Variants in EIF3A observed in about 807,000 individuals in gnomAD.
The protein encoded by EIF3A is EIF3, p180 subunit.
In EIF3A, 21 loss-of-function variants were observed where a neutral mutation model predicts 186.6. The ratio of observed to expected loss-of-function variants is 0.11; its 90% CI spans 0.08 to 0.16. The LOEUF (loss-of-function observed/expected upper bound fraction) is 0.16, where lower values mean the gene tolerates loss of function less well. Among genes scored for constraint, EIF3A ranks in the 10% least tolerant of loss-of-function variants. The pLI is 1.00. For synonymous variants in EIF3A, 563 were observed against 584.3 expected (o/e 0.96, Z 0.52); for missense variants, 1,306 against 1,796.3 (o/e 0.73, Z 4.93).
Position 119,044,062 on chromosome 10 carries a change from C to A in EIF3A, c.2739G>T (p.Pro913=), listed in dbSNP as rs144646420. The change falls in exon 18 of 22, where the codon CCG becomes CCT. Residue 913 remains proline (P), a synonymous_variant. Coordinates refer to ENST00000369144, the MANE Select transcript of EIF3A (RefSeq NM_003750.4). ...PEADSEWRRG[P]PEKEWRRGEG... ...TCCTCAACTCTACTTACTTCTCTGG[C>A]GGGCCTCTTCTCCACTCAGAATCTG... 11 of 1,611,724 alleles carry A rather than the reference C, an allele frequency of 6.8e-6. No individual in the cohort carries two copies. In the South Asian group the frequency reaches 1.1e-4, roughly 16 times the overall value.
At chr10:119,037,706 G>A (rs1447952391) in intron 20 of EIF3A, among the ~76,000 whole-genome samples, 2 of 151,998 alleles carry the variant, frequency 1.3e-5, no homozygotes, top group South Asian at 4.1e-4. Flanking sequence ...CTTTGGCAGC[G>A]GGAACAAGCT....
At position 119,035,804 on chromosome 10, in the gene EIF3A, T is replaced by A. The variant is rs1011034327; in HGVS notation, c.*235A>T. ...TTTTTCTTTTTTGTCAACAAATGAT[T>A]GATGAAATAATGCAACACCCTTAAA... On this transcript the variant is annotated 3_prime_UTR_variant, in exon 22 of 22. Transcript: ENST00000369144. The A allele has an allele frequency of 1.6e-5, 7 of 431,872 alleles. No individual in the cohort carries two copies. Among genetic ancestry groups the A allele is most frequent in the Non-Finnish European group, 2.0e-5 (5 of 244,360 alleles). The allele number at this position is 431,872 out of a possible 1,614,324, so 26.8% of individuals were successfully genotyped here. A position where few individuals can be genotyped will look rare whatever the true frequency, so the allele number is the denominator to read the frequency against.
At chr10:119,037,084 T>G in intron 21 of EIF3A, 35 bp downstream of exon 21, 60 of 546,270 alleles carry the variant, frequency 1.1e-4, no homozygotes, top group Non-Finnish European at 1.6e-4. Flanking sequence ...GAAACGACAG[T>G]TCTCCAATAC....
intron 7 of EIF3A, among the ~76,000 whole-genome samples, chr10:119,062,700 G>A (rs1843908371): frequency 6.7e-6 from 1 of 149,794 alleles, no homozygotes; most frequent in Admixed American, 6.7e-5. Flanking sequence ...TCGCTTCTGG[G>A]ACAACATATT....
rs1311348617 is a variant in EIF3A, at chr10:119,061,234, C to T, written c.1217G>A (p.Arg406Gln). 6 of 1,554,486 alleles carry T rather than the reference C, an allele frequency of 3.9e-6. No individual in the cohort carries two copies. The highest frequency in any genetic ancestry group is 4.5e-5 in the East Asian group (2 of 43,966). Residue 406 changes from arginine to glutamine, a missense_variant, in exon 8 of 22, where the codon CGA becomes CAA. Arg to Gln is a conservative substitution (Grantham distance 43). Transcript: ENST00000369144. ...VEFNPLKLCERVTKVLNWVRE... is the reference protein window; with the variant it reads ...VEFNPLKLCEQVTKVLNWVRE... The stretch of plus-strand genomic sequence containing the variant: ...AATACAAAGGCTTACCTTTGTGACT[C>T]GCTCACAGAGTTTTAATGGGTTAAA...
At chr10:119,054,221 T>G (rs1419024485) in intron 14 of EIF3A, among the ~76,000 whole-genome samples, 10 of 152,052 alleles carry the variant, frequency 6.6e-5, no homozygotes, top group Non-Finnish European at 1.2e-4. Context: ...AGGCCTGGCC[T>G]TCTGCGGCTT....
intron 1 of EIF3A, among the ~76,000 whole-genome samples, chr10:119,078,057 AAAG>A (rs948887880): frequency 6.6e-6 from 1 of 152,220 alleles, no homozygotes; most frequent in East Asian, 1.9e-4. Flanking sequence ...AAGTATGTAT[AAAG>A]AAGTTTACAT....
intron 7 of EIF3A, among the ~76,000 whole-genome samples, chr10:119,064,793 C>T (rs372334237): frequency 4.6e-5 from 7 of 152,190 alleles, no homozygotes; most frequent in African/African-American, 1.4e-4. Context: ...CTGCAACCTC[C>T]GCCTCCCGGG....
At chr10:119,079,544 C>T (rs766890907) in intron 1 of EIF3A, among the ~76,000 whole-genome samples, 2 of 151,936 alleles carry the variant, frequency 1.3e-5, no homozygotes, top group African/African-American at 4.8e-5. Flanking sequence ...AAAATAAGAG[C>T]TATCCATGCC....
rs1222455649 is a variant in EIF3A, at chr10:119,051,073, CTA to C, written c.2319+124_2319+125del. The C allele has an allele frequency of 6.1e-6, 5 of 816,886 alleles. No individual in the cohort carries two copies. The Admixed American group carries it at 1.4e-4, about 23-fold the overall frequency. 50.6% of individuals were successfully genotyped at this position (816,886 alleles called of 1,614,324 possible). A position where few individuals can be genotyped will look rare whatever the true frequency, so the allele number is the denominator to read the frequency against. ...CTTATGAAATATCATCCAAAAATTT[CTA>C]TTATTTGAATGACCGTTACACATAG... On this transcript the variant is annotated intron_variant, in intron 15 of 21. Coordinates refer to ENST00000369144, the MANE Select transcript of EIF3A (RefSeq NM_003750.4).
chr10:119,074,984 C>T (rs12262542), intron 1 of EIF3A, among the ~76,000 whole-genome samples: 85 of 105,164 alleles, frequency 8.1e-4, no homozygotes, highest in Middle Eastern at 6.3e-3. Flanking sequence ...TATTTTTTTT[C>T]TTTTTTTTTT....
At chr10:119,074,635 A>C (rs1844130553) in intron 1 of EIF3A, among the ~76,000 whole-genome samples, 1 of 151,622 alleles carries the variant, frequency 6.6e-6, no homozygotes, top group African/African-American at 2.4e-5. Flanking sequence ...TTTTTAAATA[A>C]AAAAATAGAA....
At position 119,059,323 on chromosome 10, in the gene EIF3A, C is replaced by T. The variant is rs780043560; in HGVS notation, c.1518G>A (p.Pro506=). 1.5e-5 allele frequency: 25 copies of T among 1,613,270 alleles called. No homozygotes were observed. The East Asian group carries it at 3.1e-4, about 20-fold the overall frequency. The change falls in exon 11 of 22, where the codon CCG becomes CCA. Residue 506 remains proline (P), a synonymous_variant. Coordinates refer to ENST00000369144, the MANE Select transcript of EIF3A (RefSeq NM_003750.4). ...GCATGCTTTGCAAATGAGGACCAAT[C>T]GGAGCATCTTCTCGAGTAGCATAAT... ...DLNYATREDA[P]IGPHLQSMPS...
chr10:119,074,191 C>A (rs1261984282), intron 1 of EIF3A, among the ~76,000 whole-genome samples: 1 of 152,104 alleles, frequency 6.6e-6, no homozygotes, highest in African/African-American at 2.4e-5. Flanking sequence ...CCAGGCCGGG[C>A]GCAGTGGCTC....
chr10:119,069,562 T>C lies in EIF3A; in HGVS notation c.834A>G (p.Lys278=). 6.3e-7 allele frequency: 1 copy of C among 1,592,462 alleles called. No homozygotes were observed. Among genetic ancestry groups the C allele is most frequent in the Non-Finnish European group, 8.6e-7 (1 of 1,160,242 alleles). The change falls in exon 6 of 22, where the codon AAA becomes AAG. Residue 278 remains lysine, a synonymous_variant. Coordinates refer to ENST00000369144, the MANE Select transcript of EIF3A (RefSeq NM_003750.4). ...CAGATTTCCAAAACACAGTTGAGAC[T>C]TTGTTATAGTAATTTGCCATCAACT... ...KPQLMANYYN[K]VSTVFWKSGN...
intron 19 of EIF3A, among the ~76,000 whole-genome samples, chr10:119,038,663 C>T (rs1293463302): frequency 6.6e-6 from 1 of 152,170 alleles, no homozygotes; most frequent in African/African-American, 2.4e-5. Flanking sequence ...GTGGCTCACA[C>T]CTGTAATCCC....
rs769916354 is a variant in EIF3A, at chr10:119,050,608, T to C, written c.2386A>G (p.Arg796Gly). 23 of 1,613,856 alleles carry C rather than the reference T, an allele frequency of 1.4e-5. No individual in the cohort carries two copies. The highest frequency in any genetic ancestry group is 1.9e-5 in the Non-Finnish European group (23 of 1,179,794). Reference protein sequence around the residue: ...ERHNRLEERKRQRKEERRITY... With the variant: ...ERHNRLEERKGQRKEERRITY... ...ATCCTGCGTTCTTCTTTACGCTGCCTTTTCCGTTCTTCCAATCGATTATGC... is the reference window on the plus strand; with the variant it reads ...ATCCTGCGTTCTTCTTTACGCTGCCCTTTCCGTTCTTCCAATCGATTATGC... Residue 796 changes from arginine (R) to glycine (G), a missense_variant, in exon 16 of 22, where the codon AGG becomes GGG. Physicochemically the swap from Arg to Gly is moderately radical, Grantham distance 125 (BLOSUM62 -2). Coordinates refer to ENST00000369144, the MANE Select transcript of EIF3A (RefSeq NM_003750.4).
In EIF3A at chr10:119,050,041, G is replaced by A. The variant is rs575399181; in HGVS notation, c.2474-56C>T. 1.1e-5 allele frequency: 17 copies of A among 1,532,480 alleles called. No homozygotes were observed. In the East Asian group the frequency reaches 1.4e-4, roughly 12 times the overall value. The allele number at this position is 1,532,480 out of a possible 1,614,324, so 94.9% of individuals were successfully genotyped here. On this transcript the variant is annotated intron_variant, in intron 16 of 21. Transcript: ENST00000369144. ...CTCCCAGCCATATCTTCCCCCTAGT[G>A]CTAGTTCCACTTTTCTGGTATTAAA... is the stretch of plus-strand genomic sequence containing the variant.
intron 14 of EIF3A, among the ~76,000 whole-genome samples, chr10:119,052,368 T>TTTTTTTTTTGTGTG (rs140398720): frequency 1.6e-5 from 2 of 122,972 alleles, no homozygotes; most frequent in African/African-American, 5.9e-5. Flanking sequence ...TTTTTTGGTT[T>TTTTTTTTTTGTGTG]TGTGTGTGTG....
Sources: allele counts gnomAD v4.1 joint callset (sites outside exome capture counted in the v4.1 genomes callset), GRCh38; gene constraint gnomAD v4.1.1; transcripts MANE v1.5; gene names NCBI Gene and HGNC (gene_info 2026-07-23, HGNC 2026-07-21).